ALDH1L1: variants seen among roughly 807,000 people sequenced by gnomAD.
ALDH1L1 encodes the protein cytosolic 10-formyltetrahydrofolate dehydrogenase.
Under a neutral mutation model 101.1 loss-of-function variants are expected in ALDH1L1, and 68 were observed. The observed-to-expected ratio is 0.67, with a 90% CI of 0.55 to 0.82. The LOEUF is 0.82. Ranked by LOEUF, ALDH1L1 falls within the 40% of genes least tolerant of loss-of-function variation. The pLI, the probability that ALDH1L1 is intolerant of heterozygous loss-of-function variation, is 0.00. For missense variants in ALDH1L1, 1,087 were observed against 1,172.7 expected (o/e 0.93, Z 1.07); for synonymous variants, 486 against 470.8 (o/e 1.03, Z -0.42).
In ALDH1L1 at chr3:126,105,787, G is replaced by A. The variant is rs751304415; in HGVS notation, c.2592C>T (p.Asn864=). ...CGAAGGGAGCGGCCACGTCGGTCTT[G>A]TTGTACGTGTTGACAAACACAGTGC... ...QAGTVFVNTY[N]KTDVAAPFGG... is the part of the protein sequence containing the mutation. The change falls in exon 22 of 23, where the codon AAC becomes AAT. Residue 864 remains asparagine, a synonymous_variant. Coordinates refer to ENST00000393434, the MANE Select transcript of ALDH1L1 (RefSeq NM_012190.4). 7.4e-6 allele frequency: 12 copies of A among 1,614,110 alleles called. No individual in the cohort carries two copies. Among genetic ancestry groups the A allele is most frequent in the Non-Finnish European group, 9.3e-6 (11 of 1,180,058 alleles).
intron 19 of ALDH1L1, among the ~76,000 whole-genome samples, chr3:126,110,603 G>A (rs149062919): frequency 4.1e-4 from 63 of 152,182 alleles, no homozygotes; most frequent in Non-Finnish European, 8.4e-4. Context: ...CTAGTCTGCT[G>A]ACCCTCCTCC....
intron 1 of ALDH1L1, 117 bp from the exon 2 acceptor site, chr3:126,161,119 G>A: frequency 8.1e-7 from 1 of 1,239,876 alleles, no homozygotes; most frequent in African/African-American, 1.5e-5. Flanking sequence ...TCCCCTCTGT[G>A]GCTCTGTGGG....
At chr3:126,121,010 A>C (rs953941188) in intron 16 of ALDH1L1, among the ~76,000 whole-genome samples, 1 of 152,168 alleles carries the variant, frequency 6.6e-6, no homozygotes, top group Admixed American at 6.5e-5. Flanking sequence ...GGATGAAGTC[A>C]GTACAGGTAA....
intron 7 of ALDH1L1, chr3:126,150,847 T>C (rs1447351484): frequency 2.3e-5 from 6 of 258,840 alleles, no homozygotes; most frequent in Non-Finnish European, 4.5e-5. Context: ...CATGAGCCAC[T>C]GCGCCCGGCC....
At chr3:126,131,635 C>T in intron 12 of ALDH1L1, 101 bp from the exon 13 acceptor site, 1 of 1,354,080 alleles carries the variant, frequency 7.4e-7, no homozygotes, top group South Asian at 1.5e-5. Flanking sequence ...CTGCCCTCTA[C>T]CCCAGTTCTG....
intron 9 of ALDH1L1, 142 bp from the exon 10 acceptor site, chr3:126,138,102 G>T: frequency 9.4e-7 from 1 of 1,068,330 alleles, no homozygotes; most frequent in Non-Finnish European, 1.3e-6. Flanking sequence ...GAACTGGGGA[G>T]AAGGGCTCAG....
upstream of ALDH1L1, among the ~76,000 whole-genome samples, chr3:126,184,641 T>C (rs2081502017): frequency 6.6e-6 from 1 of 152,130 alleles, no homozygotes. Flanking sequence ...GGTAGAACAA[T>C]GGGGGCTACT....
At chr3:126,195,389 T>A (rs919353992) in intron 1 of ALDH1L1, among the ~76,000 whole-genome samples, 7 of 152,216 alleles carry the variant, frequency 4.6e-5, no homozygotes, top group African/African-American at 1.7e-4. Context: ...TAGAGCTCTC[T>A]TATATAAACA....
At chr3:126,188,670 A>T (rs757920347) in intron 1 of ALDH1L1, among the ~76,000 whole-genome samples, 2 of 152,202 alleles carry the variant, frequency 1.3e-5, no homozygotes, top group African/African-American at 4.8e-5. Flanking sequence ...ATTTATTCAT[A>T]GTCCTCATGA....
In ALDH1L1 at chr3:126,160,847, A is replaced by C. The variant is rs1397132590; in HGVS notation, c.127+6T>G. ...ATCAGCTTCCCTGCTCCATTGGCTCACTCACCCAGGGGGTCGGCCTTTCCA... is the reference window on the plus strand; with the variant it reads ...ATCAGCTTCCCTGCTCCATTGGCTCCCTCACCCAGGGGGTCGGCCTTTCCA... On this transcript the variant is annotated splice_donor_region_variant and intron_variant, in intron 2 of 22. Coordinates refer to ENST00000393434, the MANE Select transcript of ALDH1L1 (RefSeq NM_012190.4). The C allele has an allele frequency of 4.3e-6, 7 of 1,613,276 alleles. No homozygotes were observed. The highest frequency in any genetic ancestry group is 1.3e-5 in the African/African-American group (1 of 74,904).
At chr3:126,110,251 C>CT in intron 19 of ALDH1L1, 142 bp from the exon 20 acceptor site, 1 of 1,075,402 alleles carries the variant, frequency 9.3e-7, no homozygotes, top group Non-Finnish European at 1.3e-6. Flanking sequence ...AATTCTGACT[C>CT]TAAATCCACC....
intron 21 of ALDH1L1, 126 bp downstream of exon 21, chr3:126,107,015 A>G (rs1336269851): frequency 1.2e-6 from 1 of 846,834 alleles, no homozygotes; most frequent in African/African-American, 1.7e-5. Context: ...CGGGGTGTCC[A>G]CGGCTTGCGC....
chr3:126,187,036 C>T (rs1049753626), intron 1 of ALDH1L1, among the ~76,000 whole-genome samples: 1 of 152,110 alleles, frequency 6.6e-6, no homozygotes. Context: ...TCAGGGGGAG[C>T]GGGGATCGAG....
intron 1 of ALDH1L1, among the ~76,000 whole-genome samples, chr3:126,162,139 A>C (rs2081071490): frequency 6.6e-6 from 1 of 152,194 alleles, no homozygotes; most frequent in African/African-American, 2.4e-5. Flanking sequence ...GGTAGTTACC[A>C]GTTTAAAGGT....
upstream of ALDH1L1, chr3:126,180,870 G>T (rs559186500): frequency 1.3e-6 from 2 of 1,568,832 alleles, no homozygotes; most frequent in Middle Eastern, 1.7e-4. Flanking sequence ...AGTTCTGAGC[G>T]CTGGCAAGGC....
In ALDH1L1 at chr3:126,139,054, T is replaced by C. The variant is rs78294279; in HGVS notation, c.1077-1094A>G. On this transcript the variant is annotated intron_variant, in intron 9 of 22. Coordinates refer to ENST00000393434, the MANE Select transcript of ALDH1L1 (RefSeq NM_012190.4). Reference sequence around the variant, plus strand: ...AAGTTGAAGCAGGGCTGGGTCATATTCCAGACGCAGCTTGCTGAAGCCAGG... The same window carrying C: ...AAGTTGAAGCAGGGCTGGGTCATATCCCAGACGCAGCTTGCTGAAGCCAGG... Among the ~76,000 whole-genome samples, 20 of 152,344 alleles carry C rather than the reference T, an allele frequency of 1.3e-4. No individual in the cohort carries two copies. The East Asian group carries it at 2.9e-3, about 22-fold the overall frequency.
chr3:126,164,947 G>T (rs988677402), intron 1 of ALDH1L1, among the ~76,000 whole-genome samples: 25 of 152,104 alleles, frequency 1.6e-4, no homozygotes, highest in African/African-American at 6.0e-4. Context: ...TTGTGATTTT[G>T]ATTTGCATTT....
At chr3:126,119,672 A>G (rs1559924382) in intron 16 of ALDH1L1, among the ~76,000 whole-genome samples, 1 of 152,150 alleles carries the variant, frequency 6.6e-6, no homozygotes, top group Non-Finnish European at 1.5e-5. Flanking sequence ...TACTAACTCC[A>G]TTCCACCACT....
At chr3:126,132,472 C>A (rs1212720541) in intron 12 of ALDH1L1, among the ~76,000 whole-genome samples, 2 of 152,200 alleles carry the variant, frequency 1.3e-5, no homozygotes, top group Non-Finnish European at 2.9e-5. Context: ...CCATTTCATT[C>A]TGGGGCCACA....
Sources: allele counts gnomAD v4.1 joint callset (sites outside exome capture counted in the v4.1 genomes callset), GRCh38; gene constraint gnomAD v4.1.1; transcripts MANE v1.5; gene names NCBI Gene and HGNC (gene_info 2026-07-23, HGNC 2026-07-21).